NLGN4X: variants seen among roughly 807,000 people sequenced by gnomAD.
NLGN4X encodes neuroligin 4 X-linked.
NLGN4X carries 3 observed loss-of-function variants against 40.3 expected under a neutral mutation model. The observed-to-expected ratio is 0.07, with a 90% CI of 0.03 to 0.19. The LOEUF is 0.19. Ranked by LOEUF, NLGN4X falls within the 10% of genes least tolerant of loss-of-function variation. NLGN4X has a pLI of 1.00. For synonymous variants in NLGN4X, 270 were observed against 306.8 expected, an observed-to-expected ratio of 0.88 and a Z score of 1.25; for missense variants, 382 against 708.3, an observed-to-expected ratio of 0.54 and a Z score of 5.23.
At chrX:6,150,043 A>T (rs1319281781) in intron 2 of NLGN4X, among the ~76,000 whole-genome samples, 1 of 111,314 alleles carries the variant, frequency 9.0e-6, no homozygotes, top group Non-Finnish European at 1.9e-5. Flanking sequence ...TATACAAAGG[A>T]CACACTCTAG....
rs1163973694 is a variant in NLGN4X, at chrX:5,900,560, C to CTTTTTTTTT, written c.1601+2508_1601+2516dup. Among the ~76,000 whole-genome samples, 4 of 45,596 alleles carry CTTTTTTTTT rather than the reference C, an allele frequency of 8.8e-5. 1 individual carries two copies. The highest frequency in any genetic ancestry group is 3.3e-4 in the Admixed American group (1 of 3,059). The allele number at this position is 45,596 out of a possible 115,157, so 39.6% of individuals were successfully genotyped here. On this transcript the variant is annotated intron_variant, in intron 5 of 5. Coordinates refer to ENST00000381095, the MANE Select transcript of NLGN4X (RefSeq NM_181332.3). ...GTTATAAGACACACCGTTTTTGGTG[C>CTTTTTTTTT]TTTTTTTTTTTTTTTTTTTTTTTTT...
chrX:6,183,037 T>A (rs1921632793), intron 1 of NLGN4X, among the ~76,000 whole-genome samples: 1 of 112,128 alleles, frequency 8.9e-6, no homozygotes, highest in African/African-American at 3.2e-5. Flanking sequence ...GAAACAGGGC[T>A]GCTAGAAAGT....
At chrX:6,086,743 C>T (rs1175981628) in intron 2 of NLGN4X, among the ~76,000 whole-genome samples, 2 of 111,430 alleles carry the variant, frequency 1.8e-5, no homozygotes, top group African/African-American at 6.5e-5. Flanking sequence ...GCAACCCTCC[C>T]ACCTCAGTCT....
In NLGN4X at chrX:6,109,404, T is replaced by C. The variant is rs2039097415; in HGVS notation, c.472+41591A>G. Among the ~76,000 whole-genome samples the C allele has an allele frequency of 3.6e-5, 4 of 112,384 alleles. No homozygotes were observed. In the South Asian group the frequency reaches 1.5e-3, roughly 42 times the overall value. ...CATTCAATCACGTGAAATACAGGGT[T>C]ATATTAGAATGAGGTCAAAACTATG... is the stretch of plus-strand genomic sequence containing the variant. On this transcript the variant is annotated intron_variant, in intron 2 of 5. Coordinates refer to ENST00000381095, the MANE Select transcript of NLGN4X (RefSeq NM_181332.3).
chrX:6,002,578 T>C (rs2035998156), intron 3 of NLGN4X, among the ~76,000 whole-genome samples: 1 of 112,420 alleles, frequency 8.9e-6, no homozygotes, highest in African/African-American at 3.2e-5. Flanking sequence ...AACGTGCCTC[T>C]TGCATACCTA....
At position 6,210,948 on chromosome X, in the gene NLGN4X, A is replaced by G. The variant is rs773649859; in HGVS notation, c.-306+17593T>C. On this transcript the variant is annotated intron_variant, in intron 1 of 5. Transcript: ENST00000381095. ...AGATTCTGCAGCTGTGTAAAATAAA[A>G]TGGTTCCTATATTTTAGAGCAACGT... Among the ~76,000 whole-genome samples the G allele has an allele frequency of 8.0e-5, 9 of 112,262 alleles. No individual in the cohort carries two copies. The South Asian group carries it at 2.6e-3, about 32-fold the overall frequency.
chrX:5,902,646 T>C (rs1331838738), intron 5 of NLGN4X, among the ~76,000 whole-genome samples: 1 of 112,368 alleles, frequency 8.9e-6, no homozygotes, highest in Non-Finnish European at 1.9e-5. Context: ...GAGCTACTGT[T>C]GCACCACTGC....
intron 1 of NLGN4X, among the ~76,000 whole-genome samples, chrX:6,200,874 A>G (rs1198709745): frequency 9.2e-6 from 1 of 108,139 alleles, no homozygotes; most frequent in East Asian, 2.9e-4. Context: ...TATTATTATT[A>G]TTCTTTGTAC....
chrX:6,017,763 A>G (rs192776952), intron 3 of NLGN4X, among the ~76,000 whole-genome samples: 1 of 112,068 alleles, frequency 8.9e-6, no homozygotes, highest in East Asian at 2.8e-4. Flanking sequence ...GCTCCCAGTC[A>G]GCCACACAAT....
intron 2 of NLGN4X, among the ~76,000 whole-genome samples, chrX:6,137,388 A>G (rs1362185210): frequency 8.9e-6 from 1 of 112,058 alleles, no homozygotes; most frequent in Non-Finnish European, 1.9e-5. Flanking sequence ...TTTTCAAATA[A>G]GGTGAAATTC....
At chrX:6,033,437 A>C (rs2036923593) in intron 2 of NLGN4X, among the ~76,000 whole-genome samples, 1 of 112,403 alleles carries the variant, frequency 8.9e-6, no homozygotes, top group Non-Finnish European at 1.9e-5. Flanking sequence ...TACTACATGC[A>C]ATAAATATTT....
chrX:5,900,888 C>T (rs1191824199), intron 5 of NLGN4X, among the ~76,000 whole-genome samples: 2 of 111,081 alleles, frequency 1.8e-5, no homozygotes, highest in Non-Finnish European at 3.8e-5. Flanking sequence ...CATAGCCATA[C>T]AGTTTTGGAT....
intron 2 of NLGN4X, among the ~76,000 whole-genome samples, chrX:6,089,153 A>C (rs1230472807): frequency 1.8e-5 from 2 of 112,183 alleles, no homozygotes; most frequent in African/African-American, 6.5e-5. Flanking sequence ...AAATTTCTAT[A>C]AACAGCAAAT....
intron 1 of NLGN4X, among the ~76,000 whole-genome samples, chrX:6,200,687 C>CTTTTTTTTTTTCTTTTT (rs1556005144): frequency 2.5e-4 from 14 of 55,575 alleles, no homozygotes; most frequent in Admixed American, 4.9e-4. Flanking sequence ...CTTTCCTTTT[C>CTTTTTTTTTTTCTTTTT]TTTTTTTTTT....
At chrX:5,895,163 GATAAA>G (rs920539635) in intron 5 of NLGN4X, among the ~76,000 whole-genome samples, 7 of 112,406 alleles carry the variant, frequency 6.2e-5, no homozygotes, top group African/African-American at 2.3e-4. Flanking sequence ...CTGTGGTGGT[GATAAA>G]ATAAATCATT....
intron 3 of NLGN4X, among the ~76,000 whole-genome samples, chrX:5,932,897 A>G (rs2033601447): frequency 9.0e-6 from 1 of 111,384 alleles, no homozygotes; most frequent in African/African-American, 3.3e-5. Context: ...GGGCTCAAAG[A>G]GTGCCCTGAA....
intron 5 of NLGN4X, among the ~76,000 whole-genome samples, chrX:5,897,151 A>G (rs751339072): frequency 8.9e-6 from 1 of 111,895 alleles, no homozygotes; most frequent in African/African-American, 3.2e-5. Flanking sequence ...CTCTCTTCTC[A>G]TATCTGACTT....
chrX:6,126,955 T>C (rs2039563085), intron 2 of NLGN4X, among the ~76,000 whole-genome samples: 1 of 111,649 alleles, frequency 9.0e-6, no homozygotes, highest in Non-Finnish European at 1.9e-5. Context: ...GATGTATATA[T>C]GATGAATTTT....
intron 2 of NLGN4X, among the ~76,000 whole-genome samples, chrX:6,096,649 C>A (rs751856471): frequency 1.2e-4 from 13 of 111,867 alleles, no homozygotes; most frequent in African/African-American, 4.2e-4. Flanking sequence ...GGTTAACTCG[C>A]TGAGAGACTT....
Sources: gnomAD v4.1 joint callset for allele counts (sites outside exome capture counted in the v4.1 genomes callset) on GRCh38, gnomAD v4.1.1 for gene constraint, MANE v1.5 for transcripts, NCBI Gene and HGNC (gene_info 2026-07-23, HGNC 2026-07-21) for gene names.